Variants in ADAMTS17 observed in about 807,000 individuals in gnomAD.
ADAMTS17 encodes A disintegrin and metalloproteinase with thrombospondin motifs 17.
Under a neutral mutation model 141.5 loss-of-function variants are expected in ADAMTS17, and 113 were observed. That is an observed-to-expected ratio of 0.80 (90% CI 0.69 to 0.93). The LOEUF (loss-of-function observed/expected upper bound fraction) is 0.93. ADAMTS17 is among the 40% of genes least tolerant of loss of function. The pLI is 0.00. For missense variants in ADAMTS17, 1,659 were observed against 1,517.9 expected (o/e 1.09, Z -1.54); for synonymous variants, 768 against 630.6 (o/e 1.22, Z -3.27).
rs1487023539 is a variant in ADAMTS17, at chr15:100,190,977, C to T, written c.1181+8341G>A. Among the ~76,000 whole-genome samples the T allele has an allele frequency of 3.3e-5, 5 of 152,126 alleles. No homozygotes were observed. The East Asian group carries it at 5.8e-4, about 18-fold the overall frequency. On this transcript the variant is annotated intron_variant, in intron 8 of 21. Transcript: ENST00000268070. ...CGCCGTGGGAAGGGAGGTGGCTCAC[C>T]GTCTGCAAAATGTCGACTCTGGACA...
chr15:100,318,307 G>A (rs925891782), intron 3 of ADAMTS17, among the ~76,000 whole-genome samples: 3 of 151,880 alleles, frequency 2.0e-5, no homozygotes, highest in Non-Finnish European at 4.4e-5. Context: ...ACCAGGTATG[G>A]TCTGAGTGTT....
chr15:100,053,240 G>A (rs1028979036), intron 16 of ADAMTS17, among the ~76,000 whole-genome samples: 2 of 152,178 alleles, frequency 1.3e-5, no homozygotes, highest in Admixed American at 6.5e-5. Flanking sequence ...ATTCCCTGGA[G>A]ATCTCTGACA....
chr15:100,132,194 G>A (rs2141239960), intron 11 of ADAMTS17, 42 bp from the exon 12 acceptor site: 2 of 1,602,796 alleles, frequency 1.2e-6, no homozygotes, highest in East Asian at 2.2e-5. Flanking sequence ...GCACTCAGCA[G>A]AGCTGCTCAC....
chr15:99,977,177 T>A (rs1016817286), intron 20 of ADAMTS17, among the ~76,000 whole-genome samples: 1 of 151,186 alleles, frequency 6.6e-6, no homozygotes, highest in Admixed American at 6.6e-5. Flanking sequence ...CGCACTAACA[T>A]GTGGCTGACG....
At chr15:100,294,097 G>A (rs558469870) in intron 3 of ADAMTS17, among the ~76,000 whole-genome samples, 2 of 152,266 alleles carry the variant, frequency 1.3e-5, no homozygotes, top group East Asian at 1.9e-4. Flanking sequence ...AGAGGCCCAC[G>A]CTCAGCCTCT....
intron 8 of ADAMTS17, among the ~76,000 whole-genome samples, chr15:100,197,617 T>G (rs963887041): frequency 6.6e-6 from 1 of 152,204 alleles, no homozygotes; most frequent in Non-Finnish European, 1.5e-5. Flanking sequence ...GAGATAACTG[T>G]GCACTCAGAG....
intron 7 of ADAMTS17, 44 bp downstream of exon 7, chr15:100,254,092 G>C (rs1383430188): frequency 6.9e-6 from 11 of 1,584,884 alleles, no homozygotes; most frequent in Non-Finnish European, 9.5e-6. Flanking sequence ...GATTCTCCCA[G>C]GGTGTATCAG....
chr15:100,051,717 G>C lies in ADAMTS17; in HGVS notation c.2310C>G (p.His770Gln). Residue 770 changes from histidine to glutamine, a missense_variant, in exon 17 of 22, where the codon CAC becomes CAG. By Grantham distance (24) the His-to-Gln change is conservative. Coordinates refer to ENST00000268070, the MANE Select transcript of ADAMTS17 (RefSeq NM_139057.4). ...CATAATGAATTCCATAATCTTGGTC[G>C]TGAAATAACAACACCTGGATCAGCC... ...LPLHLMVLLF[H>Q]DQDYGIHYEY... The C allele has an allele frequency of 6.2e-7, 1 of 1,614,154 alleles. No individual in the cohort carries two copies. The highest frequency in any genetic ancestry group is 8.5e-7 in the Non-Finnish European group (1 of 1,180,032).
intron 4 of ADAMTS17, among the ~76,000 whole-genome samples, chr15:100,278,404 G>T (rs774283738): frequency 2.0e-5 from 3 of 151,868 alleles, no homozygotes; most frequent in Admixed American, 6.6e-5. Context: ...CAGAGTTGAT[G>T]ACTTTGAAGG....
rs142501259 is a variant in ADAMTS17 at position 100,142,196 on chromosome 15, C to G, written c.1474-8881G>C. Among the ~76,000 whole-genome samples the G allele has an allele frequency of 5.8e-4, 89 of 152,320 alleles. No individual in the cohort carries two copies. The East Asian group carries it at 0.013, about 22-fold the overall frequency. On this transcript the variant is annotated intron_variant, in intron 10 of 21. Coordinates refer to ENST00000268070, the MANE Select transcript of ADAMTS17 (RefSeq NM_139057.4). ...CACCAGGTTTAAAAATAACTGGCAT[C>G]AGAGGAACAAACTTTGTTGTCCCAA... is the stretch of plus-strand genomic sequence containing the variant.
rs2060258287 is a variant in ADAMTS17 at position 99,973,693 on chromosome 15, C to T, written c.*709G>A. On this transcript the variant is annotated 3_prime_UTR_variant, in exon 22 of 22. Coordinates refer to ENST00000268070, the MANE Select transcript of ADAMTS17 (RefSeq NM_139057.4). ...GCAGAGCTCTGAAAATTAGATGCTT[C>T]CCCAAACCCAGACTCTCTTGGAACA... The T allele has an allele frequency of 6.5e-6, 1 of 154,626 alleles. No homozygotes were observed. Among genetic ancestry groups the T allele is most frequent in the African/African-American group, 2.4e-5 (1 of 41,448 alleles). The allele number at this position is 154,626 out of a possible 1,614,324, so 9.6% of individuals were successfully genotyped here.
In ADAMTS17 at chr15:100,289,548, TCACACACACA is replaced by T. The variant is rs35262820; in HGVS notation, c.617-8157_617-8148del. Among the ~76,000 whole-genome samples the T allele has an allele frequency of 1.1e-4, 16 of 146,564 alleles. No homozygotes were observed. In the East Asian group the frequency reaches 2.2e-3, roughly 20 times the overall value. Reference sequence around the variant, plus strand: ...CACACACATACACACATACACACACTCACACACACACACACACACACACTCTTAAGGCCAA... The same window carrying T: ...CACACACATACACACATACACACACTCACACACACACACTCTTAAGGCCAA... On this transcript the variant is annotated intron_variant, in intron 3 of 21. Coordinates refer to ENST00000268070, the MANE Select transcript of ADAMTS17 (RefSeq NM_139057.4).
intron 13 of ADAMTS17, among the ~76,000 whole-genome samples, chr15:100,110,823 C>G (rs2036730318): frequency 6.6e-6 from 1 of 152,106 alleles, no homozygotes; most frequent in Non-Finnish European, 1.5e-5. Context: ...GGCTTCTGAG[C>G]CGACCTGGCC....
intron 8 of ADAMTS17, among the ~76,000 whole-genome samples, chr15:100,159,656 A>G (rs138322791): frequency 2.0e-5 from 3 of 152,368 alleles, no homozygotes; most frequent in Middle Eastern, 3.4e-3. Flanking sequence ...TAACCATTGC[A>G]TGTGGACCAG....
At chr15:100,180,240 T>A (rs1007420423) in intron 8 of ADAMTS17, among the ~76,000 whole-genome samples, 2 of 152,208 alleles carry the variant, frequency 1.3e-5, no homozygotes, top group Non-Finnish European at 2.9e-5. Context: ...CATATGGATA[T>A]CTAGTTTTCC....
intron 7 of ADAMTS17, among the ~76,000 whole-genome samples, chr15:100,238,545 C>T (rs530454313): frequency 1.3e-5 from 2 of 152,278 alleles, no homozygotes; most frequent in South Asian, 2.1e-4. Flanking sequence ...GTGATGGACA[C>T]AGCAAAGGAG....
At chr15:100,257,674 A>G (rs2043372556) in intron 6 of ADAMTS17, among the ~76,000 whole-genome samples, 1 of 152,250 alleles carries the variant, frequency 6.6e-6, no homozygotes, top group African/African-American at 2.4e-5. Context: ...CCTCATCCAG[A>G]ACCACTCCCA....
At chr15:100,264,997 C>T (rs546452556) in intron 4 of ADAMTS17, among the ~76,000 whole-genome samples, 3 of 152,162 alleles carry the variant, frequency 2.0e-5, no homozygotes, top group Non-Finnish European at 2.9e-5. Context: ...ACAAAGTTAA[C>T]GAATTAAAAA....
intron 4 of ADAMTS17, among the ~76,000 whole-genome samples, chr15:100,268,199 A>G (rs2043787032): frequency 6.6e-6 from 1 of 152,126 alleles, no homozygotes; most frequent in Non-Finnish European, 1.5e-5. Flanking sequence ...CTAGTTTACC[A>G]CTGATGGGCA....
Sources: gnomAD v4.1 joint callset for allele counts (sites outside exome capture counted in the v4.1 genomes callset) on GRCh38, gnomAD v4.1.1 for gene constraint, MANE v1.5 for transcripts, NCBI Gene and HGNC (gene_info 2026-07-23, HGNC 2026-07-21) for gene names.